Variants in RGL1 observed in about 807,000 individuals in gnomAD.
RGL1 encodes the protein ral guanine nucleotide dissociation stimulator-like 1.
In RGL1, 24 loss-of-function variants were observed where a neutral mutation model predicts 95.2. The ratio of observed to expected loss-of-function variants is 0.25; its 90% CI spans 0.18 to 0.35. RGL1 has a LOEUF of 0.35. Ranked by LOEUF, RGL1 falls within the 10% of genes least tolerant of loss-of-function variation. RGL1 has a pLI of 1.00. For missense variants in RGL1, 715 were observed against 936.3 expected (o/e 0.76, Z 3.08); for synonymous variants, 329 against 344.9 (o/e 0.95, Z 0.51).
intron 12 of RGL1, among the ~76,000 whole-genome samples, chr1:183,903,437 TTAAA>T (rs1290158526): frequency 6.6e-6 from 1 of 152,322 alleles, no homozygotes; most frequent in African/African-American, 2.4e-5. Context: ...AATGGCATAT[TTAAA>T]TAGATATTTA....
chr1:183,921,703 T>C (rs1050261312), intron 16 of RGL1, among the ~76,000 whole-genome samples: 3 of 152,190 alleles, frequency 2.0e-5, no homozygotes. Flanking sequence ...ACAAGTCCTT[T>C]TGTGGACGTA....
chr1:183,802,929 C>T (rs1661076489), upstream of RGL1, among the ~76,000 whole-genome samples: 4 of 152,108 alleles, frequency 2.6e-5, no homozygotes, highest in Admixed American at 2.0e-4. Flanking sequence ...GTTTGTCTTC[C>T]CACATATTGA....
At chr1:183,649,101 T>G (rs188666278) in intron 1 of RGL1, among the ~76,000 whole-genome samples, 2 of 152,348 alleles carry the variant, frequency 1.3e-5, no homozygotes, top group Non-Finnish European at 2.9e-5. Flanking sequence ...GGTTTTAAAT[T>G]TGGGCTTGGC....
chr1:183,824,768 C>T (rs1051530887), intron 2 of RGL1, among the ~76,000 whole-genome samples: 1 of 152,108 alleles, frequency 6.6e-6, no homozygotes, highest in Non-Finnish European at 1.5e-5. Context: ...TCTTTAGGTG[C>T]TTTCTTTCAT....
intron 16 of RGL1, among the ~76,000 whole-genome samples, chr1:183,919,482 AT>A (rs1405044341): frequency 6.6e-6 from 1 of 152,226 alleles, no homozygotes; most frequent in Admixed American, 6.5e-5. Context: ...CATGAAAATA[AT>A]TTTGATCTCA....
rs368292045 is a variant in RGL1, at chr1:183,849,780, G to A, written c.347+2006G>A. ...TGGGATTAGACTTGAGAGCCGCTGC[G>A]CCCAGCAAATTTGTTTTTTAAACTT... On this transcript the variant is annotated intron_variant, in intron 3 of 17. Coordinates refer to ENST00000360851, the MANE Select transcript of RGL1 (RefSeq NM_001297671.3). Among the ~76,000 whole-genome samples, 149 of 152,122 alleles carry A rather than the reference G, an allele frequency of 9.8e-4. 1 individual carries two copies. The East Asian group carries it at 0.022, about 22-fold the overall frequency.
chr1:183,798,740 A>G (rs1660822853), intron 2 of RGL1, among the ~76,000 whole-genome samples: 1 of 150,112 alleles, frequency 6.7e-6, no homozygotes, highest in South Asian at 2.1e-4. Flanking sequence ...GCCAATCACC[A>G]TGCTACTCTG....
At chr1:183,826,764 A>T (rs1662894012) in intron 2 of RGL1, among the ~76,000 whole-genome samples, 1 of 152,214 alleles carries the variant, frequency 6.6e-6, no homozygotes, top group South Asian at 2.1e-4. Context: ...AAGGCAGAAA[A>T]ATAACATATT....
intron 1 of RGL1, among the ~76,000 whole-genome samples, chr1:183,667,051 T>C (rs1280169666): frequency 6.6e-6 from 1 of 152,218 alleles, no homozygotes; most frequent in Non-Finnish European, 1.5e-5. Context: ...ACATTAAGCA[T>C]TGGTATGTTT....
At chr1:183,862,466 T>G (rs1292262520) in intron 3 of RGL1, among the ~76,000 whole-genome samples, 1 of 152,254 alleles carries the variant, frequency 6.6e-6, no homozygotes, top group Non-Finnish European at 1.5e-5. Flanking sequence ...TTTATCTCAC[T>G]TCTAAAAGAC....
At chr1:183,676,838 T>G (rs1652858554) in intron 1 of RGL1, among the ~76,000 whole-genome samples, 1 of 150,586 alleles carries the variant, frequency 6.6e-6, no homozygotes. Context: ...CTCAATTTCC[T>G]CATCTGTAAT....
intron 2 of RGL1, among the ~76,000 whole-genome samples, chr1:183,752,200 C>A (rs1401290915): frequency 6.6e-6 from 1 of 152,000 alleles, no homozygotes; most frequent in East Asian, 1.9e-4. Flanking sequence ...TATTCCCTAT[C>A]CTTGTCAATT....
At chr1:183,819,329 C>T (rs141319425) in intron 2 of RGL1, among the ~76,000 whole-genome samples, 1 of 152,228 alleles carries the variant, frequency 6.6e-6, no homozygotes, top group Admixed American at 6.5e-5. Context: ...CTGTAGTGTA[C>T]TTTGTGTGGT....
At chr1:183,778,097 C>A (rs527514499) in intron 2 of RGL1, among the ~76,000 whole-genome samples, 1 of 152,262 alleles carries the variant, frequency 6.6e-6, no homozygotes, top group East Asian at 1.9e-4. Flanking sequence ...TAGTTCAAAG[C>A]AGGATCTATT....
chr1:183,852,937 G>A (rs1313880081), intron 3 of RGL1, among the ~76,000 whole-genome samples: 1 of 152,150 alleles, frequency 6.6e-6, no homozygotes, highest in Non-Finnish European at 1.5e-5. Flanking sequence ...ATGAAATGTT[G>A]GCACAAGTAT....
At chr1:183,776,933 T>C (rs1270677806) in intron 2 of RGL1, among the ~76,000 whole-genome samples, 3 of 152,240 alleles carry the variant, frequency 2.0e-5, no homozygotes, top group African/African-American at 7.2e-5. Flanking sequence ...GATGGAATGC[T>C]GTGGTTTCTG....
chr1:183,660,217 T>C lies in RGL1; in HGVS notation c.-33+23716T>C, dbSNP rs1258725095. 2.0e-5 allele frequency among the ~76,000 whole-genome samples: 3 copies of C among 152,152 alleles called. No homozygotes were observed. In the East Asian group the frequency reaches 5.8e-4, roughly 29 times the overall value. On this transcript the variant is annotated intron_variant, in intron 1 of 18. Coordinates refer to the RGL1 transcript ENST00000304685. Reference sequence around the variant, plus strand: ...AATTCACCCATAACAATATTAATTTTAAATGTAAATGGACTAAATGCTCCA... The same window carrying C: ...AATTCACCCATAACAATATTAATTTCAAATGTAAATGGACTAAATGCTCCA...
At chr1:183,876,816 T>G (rs756263936) in intron 4 of RGL1, among the ~76,000 whole-genome samples, 17 of 152,222 alleles carry the variant, frequency 1.1e-4, no homozygotes, top group Non-Finnish European at 2.2e-4. Context: ...TCTGTGTCAT[T>G]CTTCCTGTGA....
intron 2 of RGL1, among the ~76,000 whole-genome samples, chr1:183,822,559 A>G (rs966035793): frequency 3.3e-5 from 5 of 152,124 alleles, no homozygotes; most frequent in African/African-American, 7.2e-5. Context: ...GCCACCCAAA[A>G]TGTTTGAGGG....
Sources: allele counts gnomAD v4.1 joint callset (sites outside exome capture counted in the v4.1 genomes callset), GRCh38; gene constraint gnomAD v4.1.1; transcripts MANE v1.5; gene names NCBI Gene and HGNC (gene_info 2026-07-23, HGNC 2026-07-21).